The following PTPRM variants were observed in gnomAD, a reference collection of about 807,000 sequenced individuals.
PTPRM encodes protein tyrosine phosphatase receptor type M, also known as receptor-type tyrosine-protein phosphatase mu.
PTPRM carries 47 observed loss-of-function variants against 186.7 expected under a neutral mutation model. The observed-to-expected ratio is 0.25, with a 90% CI of 0.20 to 0.32. The LOEUF (loss-of-function observed/expected upper bound fraction) is 0.32, where lower values mean the gene tolerates loss of function less well. PTPRM is among the 10% of genes least tolerant of loss of function. PTPRM has a pLI of 1.00. For missense variants in PTPRM, 1,494 were observed against 1,865.0 expected (o/e 0.80, Z 3.66); for synonymous variants, 668 against 674.9 (o/e 0.99, Z 0.16).
chr18:8,224,910 G>A (rs1014653930), intron 14 of PTPRM, among the ~76,000 whole-genome samples: 19 of 152,174 alleles, frequency 1.2e-4, no homozygotes, highest in Admixed American at 6.5e-5. Context: ...CATAAGTAGT[G>A]TTCTGTACTT....
chr18:7,989,464 C>T (rs926885578), intron 7 of PTPRM, among the ~76,000 whole-genome samples: 12 of 152,144 alleles, frequency 7.9e-5, no homozygotes, highest in East Asian at 5.8e-4. Context: ...TTGAGCAGGA[C>T]GTGTAAGCAT....
intron 1 of PTPRM, among the ~76,000 whole-genome samples, chr18:7,748,182 G>A (rs186220699): frequency 7.9e-5 from 12 of 152,302 alleles, no homozygotes; most frequent in Admixed American, 3.9e-4. Flanking sequence ...GAATTGTCTG[G>A]TACAGTAGCC....
intron 4 of PTPRM, among the ~76,000 whole-genome samples, chr18:7,921,697 T>G (rs74628823): frequency 0.1 from 15,661 of 152,088 alleles, 918 homozygotes; most frequent in African/African-American, 0.14. Flanking sequence ...AATTTTTTAA[T>G]TCAGCAAATG....
intron 1 of PTPRM, among the ~76,000 whole-genome samples, chr18:7,757,186 G>C (rs1479913052): frequency 1.3e-5 from 2 of 152,104 alleles, no homozygotes; most frequent in African/African-American, 4.8e-5. Flanking sequence ...TCTGAAGTAG[G>C]CCTTTTAGTA....
chr18:7,850,987 G>C (rs886911727), intron 2 of PTPRM, among the ~76,000 whole-genome samples: 1 of 152,130 alleles, frequency 6.6e-6, no homozygotes, highest in Non-Finnish European at 1.5e-5. Flanking sequence ...AAAATATTTA[G>C]AGAATTGAAT....
chr18:8,174,995 G>A (rs560145018), intron 14 of PTPRM, among the ~76,000 whole-genome samples: 6 of 152,334 alleles, frequency 3.9e-5, no homozygotes, highest in Admixed American at 3.3e-4. Flanking sequence ...TTGCTGCCAT[G>A]TGTCTTCTGG....
At chr18:7,855,638 C>G (rs536631745) in intron 2 of PTPRM, among the ~76,000 whole-genome samples, 1 of 152,168 alleles carries the variant, frequency 6.6e-6, no homozygotes, top group African/African-American at 2.4e-5. Context: ...ACTAAGTAAG[C>G]TTTTTGTCAG....
chr18:7,573,603 T>G (rs183429239), intron 1 of PTPRM, among the ~76,000 whole-genome samples: 75 of 149,972 alleles, frequency 5.0e-4, no homozygotes, highest in African/African-American at 1.4e-3. Context: ...GTTTTGTTTT[T>G]TTTGAGACAA....
chr18:7,708,195 C>T (rs933211568), intron 1 of PTPRM, among the ~76,000 whole-genome samples: 2 of 152,124 alleles, frequency 1.3e-5, no homozygotes, highest in Non-Finnish European at 2.9e-5. Flanking sequence ...CCAGCTTTTA[C>T]AATATCATAT....
chr18:7,826,816 A>T (rs370771015), intron 2 of PTPRM, among the ~76,000 whole-genome samples: 1 of 152,214 alleles, frequency 6.6e-6, no homozygotes, highest in Non-Finnish European at 1.5e-5. Context: ...ACTGTGGGCT[A>T]GATGCAGCGG....
In PTPRM at chr18:8,327,763, T is replaced by A. The variant is rs538772485; in HGVS notation, c.2956+8549T>A. 9.2e-5 allele frequency among the ~76,000 whole-genome samples: 14 copies of A among 152,350 alleles called. No homozygotes were observed. In the East Asian group the frequency reaches 1.4e-3, roughly 15 times the overall value. On this transcript the variant is annotated intron_variant, in intron 22 of 32. Transcript: ENST00000580170. ...TTCTTAGAAACACTTTCTTTACATA[T>A]GTCAGTAAATCAAATCCTGTATTTA...
chr18:7,578,556 C>G (rs4797299), intron 1 of PTPRM, among the ~76,000 whole-genome samples: 2 of 151,598 alleles, frequency 1.3e-5, no homozygotes, highest in African/African-American at 4.9e-5. Flanking sequence ...AGGATGGTCT[C>G]GATCTCCTGA....
intron 1 of PTPRM, among the ~76,000 whole-genome samples, chr18:7,686,664 AT>A (rs2039609720): frequency 6.6e-6 from 1 of 152,096 alleles, no homozygotes; most frequent in African/African-American, 2.4e-5. Flanking sequence ...TGTAAGGTGA[AT>A]ATAAACTACA....
intron 2 of PTPRM, among the ~76,000 whole-genome samples, chr18:7,806,658 C>T (rs138767689): frequency 1.6e-4 from 24 of 152,300 alleles, no homozygotes; most frequent in African/African-American, 5.8e-4. Flanking sequence ...AGACTCTGGC[C>T]GCTCTGTGGA....
At chr18:8,395,783 C>T (rs2148607739) in intron 32 of PTPRM, among the ~76,000 whole-genome samples, 1 of 152,324 alleles carries the variant, frequency 6.6e-6, no homozygotes, top group Middle Eastern at 3.4e-3. Context: ...AACCCAAATT[C>T]TAGTCTCAAC....
chr18:7,718,726 A>T (rs2040390630), intron 1 of PTPRM, among the ~76,000 whole-genome samples: 1 of 152,196 alleles, frequency 6.6e-6, no homozygotes, highest in Non-Finnish European at 1.5e-5. Flanking sequence ...GAAAGAAATA[A>T]TTCCATCAAA....
chr18:7,567,567 C>G lies in PTPRM; in HGVS notation c.-252C>G, dbSNP rs1007447827. 7.5e-5 allele frequency: 29 copies of G among 385,748 alleles called. No individual in the cohort carries two copies. Among genetic ancestry groups the G allele is most frequent in the Admixed American group, 3.7e-4 (8 of 21,876 alleles). The allele number at this position is 385,748 out of a possible 1,614,324, so 23.9% of individuals were successfully genotyped here. On this transcript the variant is annotated 5_prime_UTR_variant, in exon 1 of 33. Transcript: ENST00000580170. This position sits in a 1 kb window ranked among gnomAD's most constrained non-coding sequence, Gnocchi z 4.3. ...TTTGGCTCCGCGGGCTCGCCCTCCG[C>G]TCCCTCTGCCAGCGGCGCCAGACGC...
intron 1 of PTPRM, among the ~76,000 whole-genome samples, chr18:7,589,352 A>G (rs1389147313): frequency 6.6e-6 from 1 of 152,058 alleles, no homozygotes; most frequent in Non-Finnish European, 1.5e-5. Flanking sequence ...GGGAAAGGAG[A>G]ATCTACCTGA....
At chr18:7,848,174 A>G (rs1479459908) in intron 2 of PTPRM, among the ~76,000 whole-genome samples, 4 of 152,032 alleles carry the variant, frequency 2.6e-5, no homozygotes, top group Admixed American at 2.0e-4. Flanking sequence ...CTTGCTGCCT[A>G]TGGGAGGTAT....
Sources: allele counts gnomAD v4.1 joint callset (sites outside exome capture counted in the v4.1 genomes callset), GRCh38; gene constraint gnomAD v4.1.1; non-coding constraint Gnocchi (gnomAD v3.1); transcripts MANE v1.5; gene names NCBI Gene and HGNC (gene_info 2026-07-23, HGNC 2026-07-21).